DLG2: variants seen among roughly 807,000 people sequenced by gnomAD.
DLG2 encodes the protein discs large MAGUK scaffold protein 2.
Under a neutral mutation model 132.5 loss-of-function variants are expected in DLG2, and 45 were observed. The observed-to-expected ratio is 0.34, with a 90% CI of 0.27 to 0.44. DLG2 has a LOEUF of 0.44. DLG2 is among the 20% of genes least tolerant of loss of function. The pLI is 1.00. For synonymous variants in DLG2, 424 were observed against 419.6 expected, an observed-to-expected ratio of 1.01 and a Z score of -0.13; for missense variants, 1,045 against 1,196.9, an observed-to-expected ratio of 0.87 and a Z score of 1.87.
intron 8 of DLG2, among the ~76,000 whole-genome samples, chr11:84,220,925 T>C (rs540993810): frequency 6.7e-6 from 1 of 150,222 alleles, no homozygotes; most frequent in Non-Finnish European, 1.5e-5. Context: ...GGACTACAGG[T>C]GCATGGTGCA....
chr11:83,934,116 G>A (rs1041928915), intron 14 of DLG2, among the ~76,000 whole-genome samples: 2 of 152,200 alleles, frequency 1.3e-5, no homozygotes, highest in African/African-American at 4.8e-5. Flanking sequence ...ATTCCCATAT[G>A]ACATTAGTTG....
chr11:85,167,309 C>T (rs1340132656), intron 4 of DLG2, among the ~76,000 whole-genome samples: 1 of 152,040 alleles, frequency 6.6e-6, no homozygotes. Context: ...TTATAGAATG[C>T]CTAGTTTACT....
At chr11:84,779,247 A>T (rs946009806) in intron 6 of DLG2, among the ~76,000 whole-genome samples, 2 of 151,970 alleles carry the variant, frequency 1.3e-5, no homozygotes, top group African/African-American at 4.8e-5. Context: ...CACATATCCT[A>T]TTAGTTCGGT....
chr11:83,750,766 A>C (rs996220833), intron 18 of DLG2, among the ~76,000 whole-genome samples: 1 of 152,198 alleles, frequency 6.6e-6, no homozygotes, highest in Non-Finnish European at 1.5e-5. Flanking sequence ...AGAACACACT[A>C]AATATGATTA....
chr11:85,133,921 T>C (rs1433317207), intron 5 of DLG2, among the ~76,000 whole-genome samples: 1 of 151,980 alleles, frequency 6.6e-6, no homozygotes. Flanking sequence ...TGGATAATAA[T>C]ATACTTTTTT....
intron 11 of DLG2, among the ~76,000 whole-genome samples, chr11:83,991,441 C>T (rs1367671275): frequency 6.6e-6 from 1 of 152,198 alleles, no homozygotes; most frequent in Non-Finnish European, 1.5e-5. Flanking sequence ...CCTATCCTTT[C>T]TGCTTTCCCT....
chr11:83,744,238 C>T (rs536418929), intron 18 of DLG2, among the ~76,000 whole-genome samples: 1 of 152,310 alleles, frequency 6.6e-6, no homozygotes, highest in South Asian at 2.1e-4. Flanking sequence ...GATCCAGCAG[C>T]TGCCTCCTAA....
At chr11:83,653,452 A>AT (rs1046062075) in intron 18 of DLG2, among the ~76,000 whole-genome samples, 6 of 152,150 alleles carry the variant, frequency 3.9e-5, no homozygotes, top group Non-Finnish European at 7.3e-5. Context: ...ATTTGTATGC[A>AT]TTTTTTCTTG....
intron 4 of DLG2, among the ~76,000 whole-genome samples, chr11:85,238,843 T>C (rs1215591838): frequency 6.6e-6 from 1 of 152,010 alleles, no homozygotes; most frequent in Non-Finnish European, 1.5e-5. Context: ...TTCTTTTTTT[T>C]TTTTAACAAT....
chr11:85,392,038 C>A (rs1004190410), intron 3 of DLG2, among the ~76,000 whole-genome samples: 1 of 151,964 alleles, frequency 6.6e-6, no homozygotes, highest in Non-Finnish European at 1.5e-5. Context: ...CCTAGAAAAC[C>A]CTAAAGACTC....
intron 3 of DLG2, among the ~76,000 whole-genome samples, chr11:85,318,312 T>C (rs1228741274): frequency 6.6e-6 from 1 of 151,822 alleles, no homozygotes; most frequent in Non-Finnish European, 1.5e-5. Flanking sequence ...GCCAAATCCT[T>C]CTCCAGAAAT....
At chr11:83,820,307 T>C (rs1474366523) in intron 17 of DLG2, among the ~76,000 whole-genome samples, 2 of 152,196 alleles carry the variant, frequency 1.3e-5, no homozygotes, top group African/African-American at 4.8e-5. Flanking sequence ...CTTTGTATTC[T>C]CTACTAAGCA....
chr11:84,110,058 C>T (rs528022558), intron 9 of DLG2, among the ~76,000 whole-genome samples: 2 of 152,272 alleles, frequency 1.3e-5, no homozygotes, highest in African/African-American at 2.4e-5. Flanking sequence ...ACACCTGACT[C>T]ACTTCTCTCC....
intron 6 of DLG2, among the ~76,000 whole-genome samples, chr11:84,884,633 G>T (rs1426584814): frequency 6.6e-6 from 1 of 151,736 alleles, no homozygotes; most frequent in African/African-American, 2.4e-5. Flanking sequence ...ATTGCTCTTT[G>T]TAAGGTGGAC....
intron 6 of DLG2, among the ~76,000 whole-genome samples, chr11:84,648,924 T>C (rs1221707367): frequency 6.6e-6 from 1 of 152,134 alleles, no homozygotes; most frequent in East Asian, 1.9e-4. Context: ...CCTCAAGTAT[T>C]CCCTTATAAC....
At chr11:84,316,849 T>G (rs987673192) in intron 7 of DLG2, 2 of 1,612,344 alleles carry the variant, frequency 1.2e-6, no homozygotes, top group Non-Finnish European at 8.5e-7. Flanking sequence ...ACCAACCATG[T>G]GGGCAGGTAC....
chr11:84,997,220 G>C (rs1471216048), intron 6 of DLG2: 2 of 152,968 alleles, frequency 1.3e-5, no homozygotes, highest in Non-Finnish European at 2.9e-5. Context: ...TGTTTGCAGT[G>C]AGGTTTCACA....
At chr11:84,681,352 A>G (rs920368568) in intron 6 of DLG2, among the ~76,000 whole-genome samples, 25 of 152,192 alleles carry the variant, frequency 1.6e-4, no homozygotes, top group Admixed American at 1.2e-3. Context: ...GACAATTTAA[A>G]GATGGACAAC....
chr11:85,297,719 G>A (rs2079324840), intron 3 of DLG2, among the ~76,000 whole-genome samples: 1 of 152,076 alleles, frequency 6.6e-6, no homozygotes, highest in Non-Finnish European at 1.5e-5. Flanking sequence ...GGTGGTGAAG[G>A]AGTTTGGAGA....
Sources: gnomAD v4.1 joint callset for allele counts (sites outside exome capture counted in the v4.1 genomes callset) on GRCh38, gnomAD v4.1.1 for gene constraint, MANE v1.5 for transcripts, NCBI Gene and HGNC (gene_info 2026-07-23, HGNC 2026-07-21) for gene names.